FAM178B: variants seen among roughly 807,000 people sequenced by gnomAD.
The protein encoded by FAM178B is family with sequence similarity 178 member B.
FAM178B carries 82 observed loss-of-function variants against 91.7 expected under a neutral mutation model. The ratio of observed to expected loss-of-function variants is 0.89; its 90% CI spans 0.75 to 1.07. The LOEUF (loss-of-function observed/expected upper bound fraction) is 1.07. Ranked by LOEUF, FAM178B falls within the 50% of genes least tolerant of loss-of-function variation. The probability of loss-of-function intolerance (pLI) is 0.00; values close to 1 mark genes in which losing one functional copy is unlikely to be tolerated. For synonymous variants in FAM178B, 368 were observed against 359.4 expected (o/e 1.02, Z -0.27); for missense variants, 769 against 846.7 (o/e 0.91, Z 1.14).
chr2:96,931,540 G>A (rs561138086), intron 8 of FAM178B, among the ~76,000 whole-genome samples: 1 of 152,270 alleles, frequency 6.6e-6, no homozygotes, highest in African/African-American at 2.4e-5. Context: ...CGGAGGCAGG[G>A]CAGCACAAAG....
chr2:96,934,717 G>GTC (rs955863833), intron 8 of FAM178B, among the ~76,000 whole-genome samples: 5 of 152,024 alleles, frequency 3.3e-5, no homozygotes, highest in African/African-American at 1.2e-4. Context: ...GCTGTTCCTG[G>GTC]TCTCTCTCTC....
intron 8 of FAM178B, among the ~76,000 whole-genome samples, chr2:96,938,438 T>C (rs902414154): frequency 3.3e-5 from 5 of 152,116 alleles, no homozygotes; most frequent in African/African-American, 1.2e-4. Flanking sequence ...AAAGCATGCA[T>C]GCCTGCCCCC....
In FAM178B at chr2:96,877,692, G is replaced by A. The variant is rs1182132882; in HGVS notation, c.2007+198C>T. The A allele has an allele frequency of 5.0e-6, 3 of 602,990 alleles. No homozygotes were observed. In the East Asian group the frequency reaches 8.5e-5, roughly 17 times the overall value. The allele number at this position is 602,990 out of a possible 1,614,324, so 37.4% of individuals were successfully genotyped here. ...TTACAGGCGTGAGCTACCACGCCCA[G>A]CCTTTGGCACTGGATTCTTGATAAG... On this transcript the variant is annotated intron_variant, in intron 16 of 16. Coordinates refer to ENST00000490605, the MANE Select transcript of FAM178B (RefSeq NM_001122646.3).
rs192019594 is a variant in FAM178B at position 96,938,219 on chromosome 2, C to G, written c.1079-8899G>C. Among the ~76,000 whole-genome samples, 47 of 152,280 alleles carry G rather than the reference C, an allele frequency of 3.1e-4. No homozygotes were observed. In the East Asian group the frequency reaches 8.7e-3, roughly 28 times the overall value. ...TTCTCAAAACCTGGAGCATCTCAGC[C>G]CCAGCTCCACATAAAAATCACCTGA... On this transcript the variant is annotated intron_variant, in intron 8 of 16. Transcript: ENST00000490605.
At chr2:96,884,062 AGGCTGG>A (rs1362947558) in intron 14 of FAM178B, among the ~76,000 whole-genome samples, 1 of 152,166 alleles carries the variant, frequency 6.6e-6, no homozygotes, top group Non-Finnish European at 1.5e-5. Flanking sequence ...TTCAGACCCG[AGGCTGG>A]GGCTGGGCCA....
At position 96,921,549 on chromosome 2, in the gene FAM178B, G is replaced by T; in HGVS notation, c.1393C>A (p.Leu465Met). The T allele has an allele frequency of 6.4e-7, 1 of 1,551,740 alleles. No homozygotes were observed. Among genetic ancestry groups the T allele is most frequent in the Non-Finnish European group, 8.7e-7 (1 of 1,147,006 alleles). ...CRTSLDVGLR[L>M]LPKVDLQQLL... ...TGCTGGAGGTCAACTTTGGGCAGCA[G>T]GCGGAGCCCCACGTCCAGGCTGGTG... Residue 465 changes from leucine to methionine, a missense_variant, in exon 11 of 17, where the codon CTG (leucine) becomes ATG (methionine). By Grantham distance (15) the Leu-to-Met change is conservative (BLOSUM62 2). Coordinates refer to ENST00000490605, the MANE Select transcript of FAM178B (RefSeq NM_001122646.3).
At chr2:96,977,105 G>A (rs532600642) in intron 1 of FAM178B, among the ~76,000 whole-genome samples, 1 of 139,908 alleles carries the variant, frequency 7.1e-6, no homozygotes, top group East Asian at 2.2e-4. Flanking sequence ...TGAAGCAGGA[G>A]AATTGCTTGA....
chr2:96,948,900 T>C (rs1458438142), intron 7 of FAM178B, among the ~76,000 whole-genome samples: 1 of 152,126 alleles, frequency 6.6e-6, no homozygotes, highest in Non-Finnish European at 1.5e-5. Context: ...GTGGGACTCC[T>C]GGGGGCAAAT....
At position 96,894,294 on chromosome 2, in the gene FAM178B, C is replaced by A. The variant is rs571430629; in HGVS notation, c.1651-243G>T. Among the ~76,000 whole-genome samples, 545 of 151,462 alleles carry A rather than the reference C, an allele frequency of 3.6e-3. 13 individuals carry two copies. Among genetic ancestry groups the A allele is most frequent in the Non-Finnish European group, 5.8e-4 (39 of 67,790 alleles). ...TACCCAAACATACCCAGCTCCCCCA[C>A]GCCCCACCCACACACACACAGACCC... On this transcript the variant is annotated intron_variant, in intron 13 of 16. Transcript: ENST00000490605.
chr2:96,967,911 CTTTTTT>C (rs60965536), intron 4 of FAM178B, among the ~76,000 whole-genome samples: 8,071 of 62,314 alleles, frequency 0.13, 385 homozygotes, highest in Middle Eastern at 0.28. Flanking sequence ...CCTGTTTGGT[CTTTTTT>C]TTTTTTTTTT....
chr2:96,909,914 G>A (rs547231807), intron 12 of FAM178B, among the ~76,000 whole-genome samples: 1 of 152,228 alleles, frequency 6.6e-6, no homozygotes, highest in East Asian at 1.9e-4. Context: ...TGGTGACAGG[G>A]CCTGCCCTCT....
chr2:96,923,379 A>G (rs1457818639), intron 10 of FAM178B, 111 bp downstream of exon 10: 2 of 812,652 alleles, frequency 2.5e-6, no homozygotes, highest in Non-Finnish European at 2.0e-6. Flanking sequence ...AGTGCCTGCC[A>G]TGGTGCTGAG....
chr2:96,933,579 T>G (rs2081577852), intron 8 of FAM178B, among the ~76,000 whole-genome samples: 2 of 152,188 alleles, frequency 1.3e-5, no homozygotes, highest in Admixed American at 6.5e-5. Flanking sequence ...CCTGCCCCCC[T>G]TCTGGGCCTC....
intron 10 of FAM178B, among the ~76,000 whole-genome samples, chr2:96,923,080 T>C (rs2081370795): frequency 1.3e-5 from 2 of 152,218 alleles, no homozygotes; most frequent in Admixed American, 1.3e-4. Context: ...GCAATTCTCC[T>C]GTCTCAGCCT....
At chr2:96,938,363 G>A (rs915326538) in intron 8 of FAM178B, among the ~76,000 whole-genome samples, 7 of 152,202 alleles carry the variant, frequency 4.6e-5, no homozygotes, top group African/African-American at 7.2e-5. Flanking sequence ...GGAATGTAGT[G>A]GTGGGGACAG....
At chr2:96,914,868 CGAAA>C (rs1444641063) in intron 12 of FAM178B, among the ~76,000 whole-genome samples, 1 of 151,878 alleles carries the variant, frequency 6.6e-6, no homozygotes, top group Non-Finnish European at 1.5e-5. Flanking sequence ...CCTGCCTCGG[CGAAA>C]GAGATTCTGT....
intron 12 of FAM178B, among the ~76,000 whole-genome samples, chr2:96,905,832 A>ATATG (rs2081026320): frequency 3.9e-5 from 1 of 25,844 alleles, no homozygotes; most frequent in African/African-American, 1.6e-4. Context: ...ATATATATAT[A>ATATG]TATATATATA....
intron 14 of FAM178B, among the ~76,000 whole-genome samples, chr2:96,891,638 A>G (rs935275586): frequency 5.9e-5 from 9 of 152,200 alleles, no homozygotes; most frequent in African/African-American, 2.2e-4. Context: ...ATCAGTGAGG[A>G]GAGAAAGTTG....
chr2:96,911,193 T>C (rs2081150593), intron 12 of FAM178B, among the ~76,000 whole-genome samples: 1 of 151,784 alleles, frequency 6.6e-6, no homozygotes, highest in Non-Finnish European at 1.5e-5. Flanking sequence ...ACTCAGGGAG[T>C]ACGGCCACAG....
Sources: gnomAD v4.1 joint callset for allele counts (sites outside exome capture counted in the v4.1 genomes callset) on GRCh38, gnomAD v4.1.1 for gene constraint, MANE v1.5 for transcripts, NCBI Gene and HGNC (gene_info 2026-07-23, HGNC 2026-07-21) for gene names.